AKT3: variants seen among roughly 807,000 people sequenced by gnomAD.
AKT3 encodes RAC-gamma serine/threonine-protein kinase.
AKT3 carries 15 observed loss-of-function variants against 65.3 expected under a neutral mutation model. The ratio of observed to expected loss-of-function variants is 0.23; its 90% CI spans 0.15 to 0.35. The LOEUF (loss-of-function observed/expected upper bound fraction) is 0.35, where lower values mean the gene tolerates loss of function less well. AKT3 is among the 10% of genes least tolerant of loss of function. The pLI is 1.00. For synonymous variants in AKT3, 206 were observed against 183.8 expected, an observed-to-expected ratio of 1.12 and a Z score of -0.98; for missense variants, 243 against 576.5, an observed-to-expected ratio of 0.42 and a Z score of 5.92.
intron 5 of AKT3, among the ~76,000 whole-genome samples, chr1:243,641,145 A>G (rs940897166): frequency 2.0e-5 from 3 of 151,960 alleles, no homozygotes; most frequent in African/African-American, 7.3e-5. Context: ...CAAGTTCTTC[A>G]GCACTGGGAC....
intron 8 of AKT3, among the ~76,000 whole-genome samples, chr1:243,611,084 T>C (rs1216377329): frequency 1.3e-5 from 2 of 152,180 alleles, no homozygotes; most frequent in African/African-American, 4.8e-5. Flanking sequence ...TTTTAAATTT[T>C]GATAGATACT....
At chr1:243,706,224 C>T (rs1685788504) in intron 2 of AKT3, among the ~76,000 whole-genome samples, 1 of 152,182 alleles carries the variant, frequency 6.6e-6, no homozygotes, top group South Asian at 2.1e-4. Context: ...AAAGACTATA[C>T]TCCTGTCAGA....
At chr1:243,718,791 A>G (rs1456021088) in intron 2 of AKT3, among the ~76,000 whole-genome samples, 3 of 152,186 alleles carry the variant, frequency 2.0e-5, no homozygotes, top group Non-Finnish European at 4.4e-5. Flanking sequence ...AATTATGAAG[A>G]GTAAATGCTA....
chr1:243,850,001 G>A (rs1250890630), intron 1 of AKT3, 39 bp downstream of exon 1: 2 of 983,694 alleles, frequency 2.0e-6, no homozygotes, highest in Non-Finnish European at 2.4e-6. Context: ...GTGGAGGCCA[G>A]GCGGGGAGGG....
At chr1:243,695,231 G>A (rs974304966) in intron 3 of AKT3, among the ~76,000 whole-genome samples, 10 of 151,862 alleles carry the variant, frequency 6.6e-5, no homozygotes, top group Non-Finnish European at 1.3e-4. Context: ...ATTATGACAG[G>A]AAACTGATTA....
chr1:243,628,509 G>A (rs963661544), intron 6 of AKT3, among the ~76,000 whole-genome samples: 2 of 152,060 alleles, frequency 1.3e-5, no homozygotes, highest in Admixed American at 1.3e-4. Flanking sequence ...ATGTTGCCCA[G>A]GCTGAGTCTG....
At chr1:243,625,644 A>T (rs1280636982) in intron 6 of AKT3, among the ~76,000 whole-genome samples, 1 of 152,136 alleles carries the variant, frequency 6.6e-6, no homozygotes, top group Non-Finnish European at 1.5e-5. Context: ...TGACAAAACC[A>T]AGACAGTACT....
intron 3 of AKT3, among the ~76,000 whole-genome samples, chr1:243,676,579 T>C (rs1167653985): frequency 2.0e-5 from 3 of 152,210 alleles, no homozygotes; most frequent in Non-Finnish European, 2.9e-5. Flanking sequence ...CCTCAAGATA[T>C]CCAAAAGGGT....
chr1:243,785,458 T>A (rs1023022963), intron 2 of AKT3, among the ~76,000 whole-genome samples: 1 of 88,328 alleles, frequency 1.1e-5, no homozygotes, highest in East Asian at 4.2e-4. Flanking sequence ...AGAATCAACG[T>A]TTTTTTTTTA....
At chr1:243,656,833 A>T (rs1399572570) in intron 4 of AKT3, among the ~76,000 whole-genome samples, 1 of 152,208 alleles carries the variant, frequency 6.6e-6, no homozygotes, top group Non-Finnish European at 1.5e-5. Flanking sequence ...AAGAAAGAAA[A>T]ATGACCTTTG....
chr1:243,585,363 A>G (rs558575174), intron 8 of AKT3, among the ~76,000 whole-genome samples: 1 of 152,020 alleles, frequency 6.6e-6, no homozygotes, highest in East Asian at 1.9e-4. Flanking sequence ...TACCAACATC[A>G]TTTTTCACAG....
intron 2 of AKT3, among the ~76,000 whole-genome samples, chr1:243,786,157 G>A (rs568028629): frequency 2.0e-5 from 3 of 152,118 alleles, no homozygotes; most frequent in African/African-American, 7.2e-5. Flanking sequence ...AAAAACACAA[G>A]GGAAATGCAC....
chr1:243,538,376 G>GAGAAAAAAAGGAACAA (rs1168381356), intron 12 of AKT3, among the ~76,000 whole-genome samples: 1 of 147,650 alleles, frequency 6.8e-6, no homozygotes, highest in Non-Finnish European at 1.5e-5. Flanking sequence ...GGCAGACAAA[G>GAGAAAAAAAGGAACAA]AGAAAAAAAG....
chr1:243,583,540 C>CAAAAAAAAAAAAAAAAAA (rs1294857854), intron 8 of AKT3, among the ~76,000 whole-genome samples: 3 of 29,998 alleles, frequency 1.0e-4, no homozygotes, highest in African/African-American at 2.1e-4. Flanking sequence ...AAGTAAGTCT[C>CAAAAAAAAAAAAAAAAAA]AAAAAAAAAA....
chr1:243,733,992 A>G (rs114745607), intron 2 of AKT3, among the ~76,000 whole-genome samples: 1,910 of 152,354 alleles, frequency 0.013, 43 homozygotes, highest in African/African-American at 0.044. Context: ...ATGTATTAAT[A>G]TAAATCTCAG....
chr1:243,527,908 CA>C, intron 12 of AKT3, among the ~76,000 whole-genome samples: 1 of 123,934 alleles, frequency 8.1e-6, no homozygotes, highest in African/African-American at 3.8e-5. Context: ...CACACACACA[CA>C]CACACACACA....
chr1:243,585,338 C>A (rs1675714150), intron 8 of AKT3, among the ~76,000 whole-genome samples: 1 of 151,864 alleles, frequency 6.6e-6, no homozygotes, highest in Admixed American at 6.6e-5. Context: ...AGATTCAAGG[C>A]TATACCTACC....
chr1:243,593,168 G>A (rs996794231), intron 8 of AKT3, among the ~76,000 whole-genome samples: 16 of 152,096 alleles, frequency 1.1e-4, no homozygotes, highest in African/African-American at 3.6e-4. Flanking sequence ...TTGTTAACAC[G>A]TTGCATGAGG....
At position 243,645,917 on chromosome 1, in the gene AKT3, G is replaced by C; in HGVS notation, c.405C>G (p.Ala135=). The stretch of plus-strand genomic sequence containing the variant: ...CCTTTCTTTTATGATGGGTTGTAGA[G>C]GCATCCATCTCTTCCTCTCCTATAT... ...IDNIGEEEMD[A]STTHHKRKTM... is the part of the protein sequence containing the mutation. Residue 135 remains alanine, a synonymous_variant, in exon 5 of 14, where the codon GCC becomes GCG. Transcript: ENST00000673466. The C allele has an allele frequency of 6.2e-7, 1 of 1,611,624 alleles. No individual in the cohort carries two copies. The highest frequency in any genetic ancestry group is 8.5e-7 in the Non-Finnish European group (1 of 1,178,530).
Sources: allele counts gnomAD v4.1 joint callset (sites outside exome capture counted in the v4.1 genomes callset), GRCh38; gene constraint gnomAD v4.1.1; transcripts MANE v1.5; gene names NCBI Gene and HGNC (gene_info 2026-07-23, HGNC 2026-07-21).